The following CEP112 variants were observed in gnomAD, a reference collection of about 807,000 sequenced individuals.
CEP112 encodes the protein centrosomal protein of 112 kDa.
In CEP112, 127 loss-of-function variants were observed where a neutral mutation model predicts 153.0. The ratio of observed to expected loss-of-function variants is 0.83; its 90% CI spans 0.72 to 0.96. CEP112 has a LOEUF of 0.96. Among genes scored for constraint, CEP112 ranks in the 40% least tolerant of loss-of-function variants. The probability of loss-of-function intolerance (pLI) is 0.00; values close to 1 mark genes in which losing one functional copy is unlikely to be tolerated. For synonymous variants in CEP112, 358 were observed against 374.4 expected (o/e 0.96, Z 0.51); for missense variants, 1,089 against 1,101.2 (o/e 0.99, Z 0.16).
intron 18 of CEP112, among the ~76,000 whole-genome samples, chr17:65,946,884 T>G (rs2037302436): frequency 6.6e-6 from 1 of 152,154 alleles, no homozygotes; most frequent in Non-Finnish European, 1.5e-5. Flanking sequence ...CTTTCTAGTT[T>G]CAGAACAGAG....
At chr17:66,086,088 T>C (rs1209223431) in intron 8 of CEP112, among the ~76,000 whole-genome samples, 1 of 152,076 alleles carries the variant, frequency 6.6e-6, no homozygotes, top group Non-Finnish European at 1.5e-5. Context: ...CCATTAAATT[T>C]TCAGCAATAA....
At chr17:66,056,386 G>C (rs1291514309) in intron 11 of CEP112, among the ~76,000 whole-genome samples, 2 of 152,068 alleles carry the variant, frequency 1.3e-5, no homozygotes, top group Non-Finnish European at 2.9e-5. Context: ...CATAACCCAG[G>C]AATCCTACTC....
intron 23 of CEP112, among the ~76,000 whole-genome samples, chr17:65,728,189 T>C (rs774956818): frequency 3.3e-5 from 5 of 152,196 alleles, no homozygotes; most frequent in Non-Finnish European, 5.9e-5. Context: ...AGCTTGACAA[T>C]GCCTGTTTTA....
intron 21 of CEP112, among the ~76,000 whole-genome samples, chr17:65,816,971 C>T (rs966878989): frequency 6.6e-6 from 1 of 151,928 alleles, no homozygotes; most frequent in Non-Finnish European, 1.5e-5. Context: ...ATTGTGGAGG[C>T]AGTTGCTTAT....
chr17:66,036,752 T>G (rs568246307), intron 12 of CEP112, among the ~76,000 whole-genome samples: 1 of 152,336 alleles, frequency 6.6e-6, no homozygotes, highest in South Asian at 2.1e-4. Flanking sequence ...CTGCATTACA[T>G]CTTCTCCAGG....
At chr17:65,864,931 T>A (rs1186736993) in intron 20 of CEP112, among the ~76,000 whole-genome samples, 3 of 13,894 alleles carry the variant, frequency 2.2e-4, no homozygotes, top group Non-Finnish European at 5.8e-4. Flanking sequence ...TGTGTGTGTG[T>A]GTGTGTGTGT....
chr17:65,753,282 C>T (rs1399858981), intron 21 of CEP112, among the ~76,000 whole-genome samples: 1 of 152,158 alleles, frequency 6.6e-6, no homozygotes, highest in African/African-American at 2.4e-5. Context: ...TCCTAGAAGG[C>T]AGCTCCTAGC....
At chr17:65,662,286 G>GTTAA (rs1426715526) in intron 24 of CEP112, among the ~76,000 whole-genome samples, 1 of 152,182 alleles carries the variant, frequency 6.6e-6, no homozygotes, top group Non-Finnish European at 1.5e-5. Flanking sequence ...TAAGTACACT[G>GTTAA]TTACTGACTT....
At chr17:65,867,547 A>T (rs1433420113) in intron 20 of CEP112, among the ~76,000 whole-genome samples, 2 of 152,208 alleles carry the variant, frequency 1.3e-5, no homozygotes, top group East Asian at 3.8e-4. Context: ...AGTCACATAA[A>T]TGTATAAAGT....
Position 65,744,333 on chromosome 17 carries a change from A to G in CEP112, c.2458-1116T>C, listed in dbSNP as rs188905715. ...CAGTGGTGCAATCTCGGCTCAATGT[A>G]ACCTCCACCTCCCGGGTTCAAGTGA... On this transcript the variant is annotated intron_variant, in intron 22 of 26. Coordinates refer to ENST00000535342, the MANE Select transcript of CEP112 (RefSeq NM_001199165.4). Among the ~76,000 whole-genome samples the G allele has an allele frequency of 6.6e-5, 10 of 151,818 alleles. No individual in the cohort carries two copies. The East Asian group carries it at 2.0e-3, about 30-fold the overall frequency.
At chr17:66,188,942 ACTC>A (rs2073056972) in intron 1 of CEP112, among the ~76,000 whole-genome samples, 1 of 152,182 alleles carries the variant, frequency 6.6e-6, no homozygotes, top group Non-Finnish European at 1.5e-5. Context: ...CTGCCCACGT[ACTC>A]AAACATTTGC....
At chr17:66,100,177 A>G (rs1598350019) in intron 6 of CEP112, among the ~76,000 whole-genome samples, 1 of 152,158 alleles carries the variant, frequency 6.6e-6, no homozygotes, top group Non-Finnish European at 1.5e-5. Context: ...AGGTGGGCGG[A>G]TCACAAGGTC....
chr17:66,044,355 G>A (rs1370154590), intron 12 of CEP112, among the ~76,000 whole-genome samples: 1 of 151,904 alleles, frequency 6.6e-6, no homozygotes, highest in Non-Finnish European at 1.5e-5. Context: ...TAATGAAAAT[G>A]TATTTTAGAT....
At chr17:66,028,874 C>CTT (rs16723) in intron 14 of CEP112, among the ~76,000 whole-genome samples, 78,115 of 151,754 alleles carry the variant, frequency 0.51, 21,015 homozygotes, top group African/African-American at 0.59. Flanking sequence ...CCTTTTAAGA[C>CTT]TGGCACTTAA....
intron 6 of CEP112, 101 bp from the exon 7 acceptor site, chr17:66,096,733 C>A: frequency 1.3e-6 from 1 of 750,580 alleles, no homozygotes. Context: ...GAAACATTTT[C>A]TAGATTCTTA....
intron 12 of CEP112, among the ~76,000 whole-genome samples, chr17:66,035,878 A>G (rs1484891692): frequency 6.6e-6 from 1 of 152,238 alleles, no homozygotes; most frequent in Non-Finnish European, 1.5e-5. Context: ...AAACACCACA[A>G]GACAGCCGAA....
chr17:66,132,433 A>G (rs1262647247), intron 5 of CEP112, among the ~76,000 whole-genome samples: 2 of 152,112 alleles, frequency 1.3e-5, no homozygotes, highest in African/African-American at 4.8e-5. Flanking sequence ...TCTTTGACAC[A>G]CAGGAGAAAC....
chr17:65,882,657 CCCTCCT>C (rs1261746323), intron 20 of CEP112, among the ~76,000 whole-genome samples: 2 of 152,152 alleles, frequency 1.3e-5, no homozygotes, highest in Non-Finnish European at 2.9e-5. Context: ...AACATATAGT[CCCTCCT>C]CTGGAAGACA....
intron 4 of CEP112, among the ~76,000 whole-genome samples, chr17:66,139,398 G>A (rs540169100): frequency 2.0e-5 from 3 of 152,236 alleles, no homozygotes; most frequent in African/African-American, 7.2e-5. Flanking sequence ...GAGCCCAGGA[G>A]TACATGACCA....
Sources: gnomAD v4.1 joint callset for allele counts (sites outside exome capture counted in the v4.1 genomes callset) on GRCh38, gnomAD v4.1.1 for gene constraint, MANE v1.5 for transcripts, NCBI Gene and HGNC (gene_info 2026-07-23, HGNC 2026-07-21) for gene names.